Variants in ADGRL2 observed in about 807,000 individuals in gnomAD.
ADGRL2 encodes the protein adhesion G protein-coupled receptor L2, also known as calcium-independent alpha-latrotoxin receptor 2.
ADGRL2 carries 44 observed loss-of-function variants against 157.4 expected under a neutral mutation model. The observed-to-expected ratio is 0.28, with a 90% CI of 0.22 to 0.36. The LOEUF is 0.36. Among genes scored for constraint, ADGRL2 ranks in the 10% least tolerant of loss-of-function variants. The pLI, the probability that ADGRL2 is intolerant of heterozygous loss-of-function variation, is 1.00. For synonymous variants in ADGRL2, 585 were observed against 624.7 expected (o/e 0.94, Z 0.95); for missense variants, 1,510 against 1,768.9 (o/e 0.85, Z 2.63).
intron 2 of ADGRL2, chr1:81,502,493 C>T (rs1557739272): frequency 6.2e-7 from 1 of 1,614,028 alleles, no homozygotes; most frequent in South Asian, 1.1e-5. Context: ...CCCCATCAAC[C>T]GAATCCCCAT....
At chr1:81,353,406 G>C (rs1663055436) in intron 1 of ADGRL2, among the ~76,000 whole-genome samples, 1 of 152,124 alleles carries the variant, frequency 6.6e-6, no homozygotes, top group Non-Finnish European at 1.5e-5. Flanking sequence ...TGGGAGGAGA[G>C]GAACAAGAGT....
At chr1:81,437,366 G>T (rs1200995583) in intron 1 of ADGRL2, among the ~76,000 whole-genome samples, 1 of 152,110 alleles carries the variant, frequency 6.6e-6, no homozygotes, top group Non-Finnish European at 1.5e-5. Context: ...CCTAAGTAGT[G>T]TCAGTCTTCA....
chr1:81,979,994 C>T, intron 18 of ADGRL2, 34 bp downstream of exon 18: 1 of 1,156,668 alleles, frequency 8.6e-7, no homozygotes, highest in Non-Finnish European at 1.3e-6. Context: ...TAATACTTGA[C>T]AAACTAAGTA....
At chr1:81,486,557 C>T (rs1006701006) in intron 2 of ADGRL2, among the ~76,000 whole-genome samples, 1 of 151,900 alleles carries the variant, frequency 6.6e-6, no homozygotes, top group Non-Finnish European at 1.5e-5. Flanking sequence ...AAAAAAACAA[C>T]TGTATAGTAC....
chr1:81,440,060 G>A (rs768060853), intron 1 of ADGRL2, among the ~76,000 whole-genome samples: 2 of 152,192 alleles, frequency 1.3e-5, no homozygotes, highest in African/African-American at 4.8e-5. Context: ...TGCAAAAAAG[G>A]CTAAAGCAAA....
At chr1:81,491,116 C>G (rs1036682079) in intron 2 of ADGRL2, among the ~76,000 whole-genome samples, 1 of 152,128 alleles carries the variant, frequency 6.6e-6, no homozygotes, top group African/African-American at 2.4e-5. Flanking sequence ...TTGAGAATAA[C>G]TTCTCTAAAA....
chr1:81,614,816 G>C (rs2081609413), intron 3 of ADGRL2, among the ~76,000 whole-genome samples: 1 of 151,302 alleles, frequency 6.6e-6, no homozygotes, highest in Admixed American at 6.6e-5. Context: ...GACCAGCCTG[G>C]GCAACATGGC....
chr1:81,863,975 T>C (rs1300119641), intron 2 of ADGRL2, among the ~76,000 whole-genome samples: 1 of 152,206 alleles, frequency 6.6e-6, no homozygotes, highest in Admixed American at 6.5e-5. Flanking sequence ...ATTACAATTT[T>C]CTGATATTAA....
chr1:81,860,143 G>T (rs2093344854), intron 2 of ADGRL2, among the ~76,000 whole-genome samples: 1 of 152,064 alleles, frequency 6.6e-6, no homozygotes, highest in Non-Finnish European at 1.5e-5. Flanking sequence ...AGAATCACTT[G>T]AACCTGGGAG....
At position 81,467,472 on chromosome 1, in the gene ADGRL2, G is replaced by A. The variant is rs116121098; in HGVS notation, c.-248+22383G>A. Among the ~76,000 whole-genome samples, 1,105 of 152,284 alleles carry A rather than the reference G, an allele frequency of 7.3e-3. 7 individuals are homozygous for A. Among genetic ancestry groups the A allele is most frequent in the Admixed American group, 0.011 (174 of 15,284 alleles). ...AAAGCACTAACCAAGAGATTTTACA[G>A]CGCTCCAGTCAGAGCCTAGCTAATG... is the stretch of plus-strand genomic sequence containing the variant. On this transcript the variant is annotated intron_variant, in intron 2 of 24. Coordinates refer to the ADGRL2 transcript ENST00000370721.
chr1:81,817,798 C>G (rs889377082), intron 1 of ADGRL2, among the ~76,000 whole-genome samples: 1 of 151,950 alleles, frequency 6.6e-6, no homozygotes, highest in Non-Finnish European at 1.5e-5. Context: ...TCAATTTTTA[C>G]CGTTATCTAC....
chr1:81,412,398 G>T (rs550771866), intron 1 of ADGRL2, among the ~76,000 whole-genome samples: 4 of 152,118 alleles, frequency 2.6e-5, no homozygotes, highest in Non-Finnish European at 5.9e-5. Flanking sequence ...CATGCTTTTT[G>T]TCTAGAATTA....
rs569760942 is a variant in ADGRL2 at position 81,903,482 on chromosome 1, G to A, written c.74-3535G>A. ...CTCCCTGCATGGGTTAGAATCTAAC[G>A]TGTGGTAAGATTGAGACCCTAAATT... On this transcript the variant is annotated intron_variant, in intron 2 of 23. Transcript: ENST00000686636. 1.2e-4 allele frequency among the ~76,000 whole-genome samples: 19 copies of A among 152,034 alleles called. No individual in the cohort carries two copies. The South Asian group carries it at 2.3e-3, about 18-fold the overall frequency.
rs113993863 is a variant in ADGRL2, at chr1:81,328,592, C to G, written c.-302+22083C>G. Among the ~76,000 whole-genome samples, 377 of 152,178 alleles carry G rather than the reference C, an allele frequency of 2.5e-3. 2 individuals are homozygous for G. The highest frequency in any genetic ancestry group is 8.6e-3 in the African/African-American group (357 of 41,520). Reference sequence around the variant, plus strand: ...TTCATAATATTGAAACAGAACTTTACTGGGAGTCATACCTTAAAAAGATAA... The same window carrying G: ...TTCATAATATTGAAACAGAACTTTAGTGGGAGTCATACCTTAAAAAGATAA... On this transcript the variant is annotated intron_variant, in intron 1 of 24. Transcript: ENST00000370721.
chr1:81,730,551 C>T (rs973463145), intron 1 of ADGRL2, among the ~76,000 whole-genome samples: 10 of 151,950 alleles, frequency 6.6e-5, no homozygotes, highest in African/African-American at 2.4e-4. Flanking sequence ...GGTGAAACCC[C>T]ATCTCTACTA....
intron 2 of ADGRL2, among the ~76,000 whole-genome samples, chr1:81,852,028 T>C (rs1466971881): frequency 6.6e-6 from 1 of 152,012 alleles, no homozygotes; most frequent in African/African-American, 2.4e-5. Flanking sequence ...CTTCAAGTAC[T>C]TGGTAACTAA....
At chr1:81,806,954 T>G (rs1489486990) in intron 1 of ADGRL2, among the ~76,000 whole-genome samples, 3 of 152,004 alleles carry the variant, frequency 2.0e-5, no homozygotes, top group Non-Finnish European at 4.4e-5. Context: ...AAGGGAGAGA[T>G]GCGCATTTGA....
intron 2 of ADGRL2, among the ~76,000 whole-genome samples, chr1:81,461,873 T>C (rs2077935724): frequency 7.3e-6 from 1 of 136,798 alleles, no homozygotes; most frequent in Non-Finnish European, 1.5e-5. Flanking sequence ...TAGGCAAGAA[T>C]TCTTCTAAAC....
intron 2 of ADGRL2, among the ~76,000 whole-genome samples, chr1:81,506,950 G>T (rs563996916): frequency 6.6e-6 from 1 of 152,232 alleles, no homozygotes; most frequent in African/African-American, 2.4e-5. Flanking sequence ...CTAGGTCCTG[G>T]GGATTCAGCA....
Sources: gnomAD v4.1 joint callset for allele counts (sites outside exome capture counted in the v4.1 genomes callset) on GRCh38, gnomAD v4.1.1 for gene constraint, MANE v1.5 for transcripts, NCBI Gene and HGNC (gene_info 2026-07-23, HGNC 2026-07-21) for gene names.